The following CD5 variants were observed in gnomAD, a reference collection of about 807,000 sequenced individuals.
CD5 encodes CD5 molecule, also known as T-cell surface glycoprotein CD5.
CD5 carries 36 observed loss-of-function variants against 60.3 expected under a neutral mutation model. The ratio of observed to expected loss-of-function variants is 0.60; its 90% CI spans 0.46 to 0.79. The LOEUF (loss-of-function observed/expected upper bound fraction) is 0.79, where lower values mean the gene tolerates loss of function less well. Ranked by LOEUF, CD5 falls within the 30% of genes least tolerant of loss-of-function variation. The probability of loss-of-function intolerance (pLI) is 0.00; values close to 1 mark genes in which losing one functional copy is unlikely to be tolerated. For missense variants in CD5, 540 were observed against 630.6 expected (o/e 0.86, Z 1.54); for synonymous variants, 230 against 257.6 (o/e 0.89, Z 1.03).
At chr11:61,119,646 G>GT (rs1861026062) in intron 5 of CD5, 71 bp downstream of exon 5, 1 of 1,113,984 alleles carries the variant, frequency 9.0e-7, no homozygotes, top group Non-Finnish European at 1.3e-6. Flanking sequence ...CATCCCAGAA[G>GT]GTCAGGGAAC....
chr11:61,122,289 TTGGTG>T (rs1360804138), intron 6 of CD5, among the ~76,000 whole-genome samples: 15 of 83,860 alleles, frequency 1.8e-4, no homozygotes, highest in African/African-American at 7.4e-4. Flanking sequence ...GATGGATGGA[TTGGTG>T]GGTGGGTGGG....
chr11:61,121,711 C>T lies in CD5; in HGVS notation c.906C>T (p.Asp302=). The change falls in exon 6 of 11, where the codon GAC becomes GAT. Residue 302 remains aspartate, a synonymous_variant. Transcript: ENST00000347785. ...GGGCTCAGTGGGCAGCCCTGTGTGA[C>T]AGCTCTTCAGCCAGGAGCTCGCTGC... is the stretch of plus-strand genomic sequence containing the variant. The part of the protein sequence containing the change: ...RQGAQWAALC[D]SSSARSSLRW... 2 of 1,608,356 alleles carry T rather than the reference C, an allele frequency of 1.2e-6. No homozygotes were observed. The highest frequency in any genetic ancestry group is 1.3e-5 in the African/African-American group (1 of 74,992).
rs1326095175 is a variant in CD5 at position 61,103,371 on chromosome 11, TAGA to T, written c.55+759_55+761del. On this transcript the variant is annotated intron_variant, in intron 1 of 10. Transcript: ENST00000347785. ...AGGCCTGACCCACTTCCTGAGGATT[TAGA>T]AGGTCTGGCAGGGTGACAGAGGTGC... Among the ~76,000 whole-genome samples the T allele has an allele frequency of 3.9e-5, 6 of 152,304 alleles. No individual in the cohort carries two copies. The South Asian group carries it at 1.2e-3, about 32-fold the overall frequency.
chr11:61,117,097 G>A (rs1410566483), intron 2 of CD5, among the ~76,000 whole-genome samples: 1 of 152,228 alleles, frequency 6.6e-6, no homozygotes, highest in Non-Finnish European at 1.5e-5. Flanking sequence ...AATGGTGAAT[G>A]GAAAACAAAT....
chr11:61,116,288 C>T (rs913716299), intron 2 of CD5, among the ~76,000 whole-genome samples: 2 of 152,036 alleles, frequency 1.3e-5, no homozygotes, highest in Non-Finnish European at 2.9e-5. Context: ...CTATCCCAGT[C>T]GCCCCCGACG....
the CD5 span, among the ~76,000 whole-genome samples, chr11:61,095,355 A>G: frequency 2.6e-5 from 4 of 152,196 alleles, no homozygotes; most frequent in African/African-American, 4.8e-5. Flanking sequence ...GGACGGACAC[A>G]TGGTGGAAAG....
Position 61,115,074 on chromosome 11 carries a change from G to A in CD5, c.74G>A (p.Arg25Gln), listed in dbSNP as rs62641694. 7.9e-4 allele frequency: 1,228 copies of A among 1,558,668 alleles called. 14 individuals carry two copies. In the African/African-American group the frequency reaches 0.014, roughly 18 times the overall value. The change falls in exon 2 of 11, where the codon CGG becomes CAG. Residue 25 changes from arginine to glutamine, a missense_variant. Physicochemically the swap from Arg to Gln is conservative, Grantham distance 43 (BLOSUM62 1). Coordinates refer to ENST00000347785, the MANE Select transcript of CD5 (RefSeq NM_014207.4). ...TCTGCAGTCGCTTCCTGCCTCGGAC[G>A]GCTCAGCTGGTATGACCCAGGTAAG... ...LGMLVASCLG[R>Q]LSWYDPDFQA...
intron 8 of CD5, 138 bp downstream of exon 8, chr11:61,124,075 G>A (rs1205282776): frequency 5.6e-6 from 4 of 709,454 alleles, no homozygotes; most frequent in Non-Finnish European, 9.8e-6. Flanking sequence ...TGTCTGACAT[G>A]TGACTGTGGC....
chr11:61,116,593 TACACACC>T (rs1288634978), intron 2 of CD5, among the ~76,000 whole-genome samples: 29 of 12,096 alleles, frequency 2.4e-3, no homozygotes, highest in African/African-American at 6.9e-3. Flanking sequence ...ACATGCACAC[TACACACC>T]ACACACCACA....
chr11:61,115,601 A>G (rs1354067526), intron 2 of CD5, among the ~76,000 whole-genome samples: 1 of 152,208 alleles, frequency 6.6e-6, no homozygotes, highest in Non-Finnish European at 1.5e-5. Context: ...CGCATCTCCC[A>G]CTGAAGACTG....
chr11:61,114,834 G>GT (rs1350389423), intron 1 of CD5, among the ~76,000 whole-genome samples: 28 of 151,862 alleles, frequency 1.8e-4, no homozygotes, highest in African/African-American at 6.5e-4. Flanking sequence ...TAAAAGTAAC[G>GT]TTTTTTAAGA....
rs750884036 is a variant in CD5 at position 61,118,296 on chromosome 11, G to A, written c.216G>A (p.Glu72=). ...QSWGRSSKQW[E]DPSQASKVCQ... ...GGGGCCGGAGCTCCAAGCAGTGGGA[G>A]GACCCCAGTCAAGCGTCAAAAGTCT... is the stretch of plus-strand genomic sequence containing the variant. The change falls in exon 3 of 11, where the codon GAG becomes GAA. Residue 72 remains glutamate (E), a synonymous_variant. Coordinates refer to ENST00000347785, the MANE Select transcript of CD5 (RefSeq NM_014207.4). This position sits in a 1 kb window ranked among gnomAD's most constrained non-coding sequence, Gnocchi z 4.7. The A allele has an allele frequency of 5.3e-5, 86 of 1,614,152 alleles. No individual in the cohort carries two copies. In the Admixed American group the frequency reaches 1.4e-3, roughly 27 times the overall value.
chr11:61,104,953 C>T (rs904185024), intron 1 of CD5, among the ~76,000 whole-genome samples: 3 of 152,232 alleles, frequency 2.0e-5, no homozygotes, highest in Non-Finnish European at 4.4e-5. Context: ...GGCCCTGGGA[C>T]ACAACCTCCA....
intron 2 of CD5, among the ~76,000 whole-genome samples, chr11:61,115,507 A>G (rs923668277): frequency 6.6e-6 from 1 of 152,218 alleles, no homozygotes; most frequent in African/African-American, 2.4e-5. Flanking sequence ...TGGAACGTCC[A>G]GCCTTAGACG....
chr11:61,124,900 G>A, intron 8 of CD5, 132 bp from the exon 9 acceptor site: 1 of 966,608 alleles, frequency 1.0e-6, no homozygotes, highest in East Asian at 2.6e-5. Context: ...ATGCATTGAA[G>A]GGGCTGTGGG....
At chr11:61,104,410 A>C (rs894291775) in intron 1 of CD5, among the ~76,000 whole-genome samples, 2 of 152,016 alleles carry the variant, frequency 1.3e-5, no homozygotes, top group Non-Finnish European at 2.9e-5. Flanking sequence ...TAAACCCCCC[A>C]CCTGCTCCTC....
chr11:61,096,386 T>G, the CD5 span, among the ~76,000 whole-genome samples: 16 of 152,200 alleles, frequency 1.1e-4, no homozygotes, highest in Non-Finnish European at 1.9e-4. Context: ...GGATTACAAC[T>G]GGGGGCAAGG....
the CD5 span, among the ~76,000 whole-genome samples, chr11:61,094,929 C>T: frequency 6.6e-6 from 1 of 152,128 alleles, no homozygotes; most frequent in African/African-American, 2.4e-5. Flanking sequence ...TAAGCCAGGG[C>T]ACCCAGATCA....
chr11:61,109,377 C>T (rs1029359919), intron 1 of CD5, among the ~76,000 whole-genome samples: 1 of 152,288 alleles, frequency 6.6e-6, no homozygotes, highest in South Asian at 2.1e-4. Flanking sequence ...GCCAGCGAGG[C>T]GTGGACGAAA....
Sources: gnomAD v4.1 joint callset for allele counts (sites outside exome capture counted in the v4.1 genomes callset) on GRCh38, gnomAD v4.1.1 for gene constraint, Gnocchi (gnomAD v3.1) non-coding constraint, MANE v1.5 for transcripts, NCBI Gene and HGNC (gene_info 2026-07-23, HGNC 2026-07-21) for gene names.